GPATCH8: variants seen among roughly 807,000 people sequenced by gnomAD.
The protein encoded by GPATCH8 is G patch domain-containing protein 8.
GPATCH8 carries 18 observed loss-of-function variants against 118.3 expected under a neutral mutation model. The observed-to-expected ratio is 0.15, with a 90% CI of 0.11 to 0.23. The LOEUF (loss-of-function observed/expected upper bound fraction) is 0.23, where lower values mean the gene tolerates loss of function less well. GPATCH8 is among the 10% of genes least tolerant of loss of function. GPATCH8 has a pLI of 1.00. For synonymous variants in GPATCH8, 659 were observed against 684.7 expected, an observed-to-expected ratio of 0.96 and a Z score of 0.59; for missense variants, 1,631 against 1,873.8, an observed-to-expected ratio of 0.87 and a Z score of 2.39.
At chr17:44,492,653 A>G (rs951349444) in intron 1 of GPATCH8, among the ~76,000 whole-genome samples, 2 of 152,160 alleles carry the variant, frequency 1.3e-5, no homozygotes, top group Non-Finnish European at 2.9e-5. Flanking sequence ...GATTAGATAA[A>G]TATCTTCGAA....
intron 2 of GPATCH8, chr17:44,466,023 CT>C (rs893807986): frequency 5.4e-5 from 8 of 149,442 alleles, no homozygotes; most frequent in East Asian, 2.0e-4. Flanking sequence ...AAAACCAGGA[CT>C]TTTTTTTTTC....
intron 6 of GPATCH8, among the ~76,000 whole-genome samples, chr17:44,411,229 A>G (rs1439135241): frequency 2.0e-5 from 3 of 152,154 alleles, no homozygotes; most frequent in Non-Finnish European, 2.9e-5. Flanking sequence ...GCCTCTTTCT[A>G]TAGTGGTTAG....
Position 44,430,564 on chromosome 17 carries a change from C to A in GPATCH8, c.348+4501G>T, listed in dbSNP as rs111420989. On this transcript the variant is annotated intron_variant, in intron 5 of 7. Coordinates refer to ENST00000591680, the MANE Select transcript of GPATCH8 (RefSeq NM_001002909.4). The stretch of plus-strand genomic sequence containing the variant: ...TCCTCAACCTGATGAGAACAAAAAA[C>A]CCCCAGCTAACATCATAATGGTGAA... Among the ~76,000 whole-genome samples, 909 of 152,186 alleles carry A rather than the reference C, an allele frequency of 6.0e-3. 4 individuals carry two copies. The highest frequency in any genetic ancestry group is 0.01 in the Non-Finnish European group (698 of 67,984).
rs113185167 is a variant in GPATCH8 at position 44,495,872 on chromosome 17, T to C, written c.45+7454A>G. Among the ~76,000 whole-genome samples the C allele has an allele frequency of 5.6e-3, 847 of 152,226 alleles. 13 individuals carry two copies. The highest frequency in any genetic ancestry group is 0.02 in the African/African-American group (817 of 41,544). On this transcript the variant is annotated intron_variant, in intron 1 of 7. Coordinates refer to ENST00000591680, the MANE Select transcript of GPATCH8 (RefSeq NM_001002909.4). ...GCATTAGCTTTAATTTCTTTTTTTG[T>C]TTTGTTTGGTTTTGAGATGGAGTCT...
At chr17:44,467,023 A>G in intron 2 of GPATCH8, 1 of 590,706 alleles carries the variant, frequency 1.7e-6, no homozygotes, top group Admixed American at 2.4e-5. Context: ...AATGCACTCA[A>G]ATAAACAGAC....
chr17:44,461,599 T>A (rs1404488064), intron 3 of GPATCH8, among the ~76,000 whole-genome samples: 1 of 152,232 alleles, frequency 6.6e-6, no homozygotes, highest in East Asian at 1.9e-4. Flanking sequence ...CTATATATAC[T>A]TGTTACCATG....
intron 1 of GPATCH8, among the ~76,000 whole-genome samples, chr17:44,494,356 CCGAGGT>C (rs1249450419): frequency 5.3e-5 from 8 of 152,264 alleles, no homozygotes; most frequent in Admixed American, 3.3e-4. Context: ...CTTTGGGAGG[CCGAGGT>C]GGGTGGATTA....
At chr17:44,424,056 G>C (rs948922047) in intron 6 of GPATCH8, among the ~76,000 whole-genome samples, 5 of 152,290 alleles carry the variant, frequency 3.3e-5, no homozygotes, top group Admixed American at 2.6e-4. Flanking sequence ...GTGACCCTCA[G>C]CTGAATTACA....
chr17:44,400,342 A>C lies in GPATCH8; in HGVS notation c.1735T>G (p.Ser579Ala). Reference sequence around the variant, plus strand: ...TTAGTTCTGGCATCTTTGTTCCTTGAAAGTTTAAAGTCAAAATATAAAGGG... The same window carrying C: ...TTAGTTCTGGCATCTTTGTTCCTTGCAAGTTTAAAGTCAAAATATAAAGGG... ...CNPLYFDFKL[S>A]RNKDARTKGT... is the part of the protein sequence containing the mutation. Residue 579 changes from serine (S) to alanine (A), a missense_variant, in exon 8 of 8, where the codon TCA (serine) becomes GCA (alanine). Physicochemically the swap from Ser to Ala is moderately conservative, Grantham distance 99 (BLOSUM62 1). Around this residue, in one of 8 missense-constraint regions of GPATCH8, gnomAD observed 405 missense variants for 462.7 expected, o/e 0.88. Coordinates refer to ENST00000591680, the MANE Select transcript of GPATCH8 (RefSeq NM_001002909.4). 1 of 1,614,132 alleles carries C rather than the reference A, an allele frequency of 6.2e-7. No individual in the cohort carries two copies. The highest frequency in any genetic ancestry group is 8.5e-7 in the Non-Finnish European group (1 of 1,179,992).
intron 6 of GPATCH8, among the ~76,000 whole-genome samples, chr17:44,420,038 G>GTT (rs35137337): frequency 7.7e-5 from 11 of 143,482 alleles, no homozygotes; most frequent in African/African-American, 1.8e-4. Flanking sequence ...GTACTACATG[G>GTT]TTTTTTTTTT....
At chr17:44,463,615 C>G (rs2051645657) in intron 3 of GPATCH8, among the ~76,000 whole-genome samples, 1 of 152,162 alleles carries the variant, frequency 6.6e-6, no homozygotes, top group African/African-American at 2.4e-5. Context: ...TTCCTGACCT[C>G]ATGATCCACC....
intron 3 of GPATCH8, among the ~76,000 whole-genome samples, chr17:44,446,627 G>A (rs1028662032): frequency 6.6e-6 from 1 of 152,072 alleles, no homozygotes; most frequent in Non-Finnish European, 1.5e-5. Context: ...TTTGAAGAGT[G>A]GAAAATATTT....
At chr17:44,461,523 T>C (rs1039100455) in intron 3 of GPATCH8, among the ~76,000 whole-genome samples, 1 of 152,136 alleles carries the variant, frequency 6.6e-6, no homozygotes, top group African/African-American at 2.4e-5. Context: ...AAAAAAAACC[T>C]TCAAATGAGC....
At chr17:44,421,396 C>G (rs926045374) in intron 6 of GPATCH8, among the ~76,000 whole-genome samples, 1 of 151,430 alleles carries the variant, frequency 6.6e-6, no homozygotes, top group African/African-American at 2.4e-5. Context: ...GATGGAGTCT[C>G]GCTCTGTCAC....
At chr17:44,417,698 G>A (rs1439514445) in intron 6 of GPATCH8, among the ~76,000 whole-genome samples, 1 of 152,164 alleles carries the variant, frequency 6.6e-6, no homozygotes, top group Non-Finnish European at 1.5e-5. Context: ...GGAAGGAAAA[G>A]CATAGGCCTG....
At chr17:44,492,320 G>A (rs1352760020) in intron 1 of GPATCH8, among the ~76,000 whole-genome samples, 8 of 137,352 alleles carry the variant, frequency 5.8e-5, no homozygotes, top group Non-Finnish European at 9.4e-5. Flanking sequence ...AAAAGCGCCC[G>A]TAACCCCAGC....
chr17:44,416,291 G>A (rs992167179), intron 6 of GPATCH8, among the ~76,000 whole-genome samples: 4 of 150,984 alleles, frequency 2.6e-5, no homozygotes, highest in East Asian at 1.9e-4. Flanking sequence ...GAATACAGGC[G>A]TGAGCCACCA....
chr17:44,457,153 G>A (rs916026473), intron 3 of GPATCH8, among the ~76,000 whole-genome samples: 5 of 152,078 alleles, frequency 3.3e-5, no homozygotes, highest in South Asian at 2.1e-4. Flanking sequence ...GTGACCCACT[G>A]CAACTGGCCC....
chr17:44,482,548 T>C (rs1209331539), intron 1 of GPATCH8, among the ~76,000 whole-genome samples: 1 of 128,018 alleles, frequency 7.8e-6, no homozygotes, highest in South Asian at 2.7e-4. Context: ...CACTTCAGCC[T>C]GGGCGACAGA....
Sources: allele counts gnomAD v4.1 joint callset (sites outside exome capture counted in the v4.1 genomes callset), GRCh38; gene constraint gnomAD v4.1.1; regional missense constraint gnomAD v4.1.1; transcripts MANE v1.5; gene names NCBI Gene and HGNC (gene_info 2026-07-23, HGNC 2026-07-21).